The following ADCY2 variants were observed in gnomAD, a reference collection of about 807,000 sequenced individuals.
ADCY2 encodes the protein adenylate cyclase type 2.
A neutral mutation model predicts 125.2 loss-of-function variants in ADCY2; 31 were observed. The observed-to-expected ratio is 0.25, with a 90% CI of 0.19 to 0.33. The LOEUF (loss-of-function observed/expected upper bound fraction) is 0.33. Ranked by LOEUF, ADCY2 falls within the 10% of genes least tolerant of loss-of-function variation. ADCY2 has a pLI of 1.00. For synonymous variants in ADCY2, 512 were observed against 548.4 expected (o/e 0.93, Z 0.93); for missense variants, 904 against 1,418.2 (o/e 0.64, Z 5.82).
intron 2 of ADCY2, among the ~76,000 whole-genome samples, chr5:7,493,090 A>G (rs1743223166): frequency 6.6e-6 from 1 of 152,198 alleles, no homozygotes; most frequent in Non-Finnish European, 1.5e-5. Context: ...AATGGCAAAG[A>G]GATTGCAAAC....
At chr5:7,687,598 G>A (rs1740558710) in intron 4 of ADCY2, among the ~76,000 whole-genome samples, 1 of 152,190 alleles carries the variant, frequency 6.6e-6, no homozygotes. Flanking sequence ...GACTCTCTGA[G>A]CAATGTGCCG....
intron 3 of ADCY2, among the ~76,000 whole-genome samples, chr5:7,583,019 A>G (rs186167868): frequency 6.6e-6 from 1 of 152,242 alleles, no homozygotes; most frequent in Non-Finnish European, 1.5e-5. Context: ...TACAATGTCA[A>G]TGTACAAAAA....
chr5:7,582,615 G>T (rs1292520305), intron 3 of ADCY2, among the ~76,000 whole-genome samples: 1 of 152,022 alleles, frequency 6.6e-6, no homozygotes, highest in Admixed American at 6.6e-5. Context: ...CACATTCACA[G>T]AACAAAGGAG....
chr5:7,548,178 A>C (rs968422887), intron 3 of ADCY2, among the ~76,000 whole-genome samples: 18 of 152,196 alleles, frequency 1.2e-4, no homozygotes, highest in Non-Finnish European at 2.5e-4. Flanking sequence ...TGGGAAGTGC[A>C]AATATTAGCT....
At chr5:7,727,068 T>G in intron 13 of ADCY2, 96 bp from the exon 14 acceptor site, 2 of 837,476 alleles carry the variant, frequency 2.4e-6, no homozygotes, top group East Asian at 2.5e-5. Context: ...AATTTCTGAG[T>G]GTGGTGCATG....
chr5:7,398,057 A>G (rs1466791920), intron 1 of ADCY2, among the ~76,000 whole-genome samples: 1 of 152,218 alleles, frequency 6.6e-6, no homozygotes, highest in African/African-American at 2.4e-5. Flanking sequence ...CTTGCCAGGA[A>G]GAAAAGAAAC....
At chr5:7,589,536 AAGG>A (rs1057298872) in intron 3 of ADCY2, among the ~76,000 whole-genome samples, 7 of 147,528 alleles carry the variant, frequency 4.7e-5, no homozygotes, top group African/African-American at 1.0e-4. Flanking sequence ...GAAAGAAAGA[AAGG>A]AGGGAGGGAA....
At chr5:7,637,985 GA>G (rs1463449998) in intron 4 of ADCY2, among the ~76,000 whole-genome samples, 9 of 152,148 alleles carry the variant, frequency 5.9e-5, no homozygotes, top group Non-Finnish European at 1.3e-4. Context: ...AGAATTATTA[GA>G]GCTGAAATGC....
intron 4 of ADCY2, among the ~76,000 whole-genome samples, chr5:7,632,228 G>A (rs1738337407): frequency 6.6e-6 from 1 of 152,098 alleles, no homozygotes; most frequent in African/African-American, 2.4e-5. Context: ...GGTACAGTTT[G>A]GCTCAGATAT....
intron 4 of ADCY2, among the ~76,000 whole-genome samples, chr5:7,646,962 C>T (rs998957400): frequency 4.6e-5 from 7 of 152,144 alleles, no homozygotes; most frequent in Admixed American, 1.3e-4. Flanking sequence ...TGCCTGCGTT[C>T]GCTGCCCCAT....
intron 4 of ADCY2, among the ~76,000 whole-genome samples, chr5:7,652,441 A>G (rs993446606): frequency 1.3e-5 from 2 of 152,208 alleles, no homozygotes; most frequent in Admixed American, 1.3e-4. Context: ...GATCTTTTTT[A>G]AAGCGTGGCC....
chr5:7,680,146 G>A (rs1740281865), intron 4 of ADCY2, among the ~76,000 whole-genome samples: 2 of 152,192 alleles, frequency 1.3e-5, no homozygotes, highest in African/African-American at 4.8e-5. Flanking sequence ...CTCAACCAGA[G>A]GGAGACTGTT....
At chr5:7,696,563 T>C (rs1347578940) in intron 6 of ADCY2, among the ~76,000 whole-genome samples, 1 of 152,234 alleles carries the variant, frequency 6.6e-6, no homozygotes, top group Admixed American at 6.5e-5. Flanking sequence ...TCTCATTAAA[T>C]GTTTCTGGTC....
chr5:7,677,235 G>A (rs1160885215), intron 4 of ADCY2, among the ~76,000 whole-genome samples: 4 of 151,946 alleles, frequency 2.6e-5, no homozygotes, highest in African/African-American at 7.3e-5. Flanking sequence ...CCGAGATCAC[G>A]CCACTGCACT....
chr5:7,654,881 A>G (rs750775152), intron 4 of ADCY2, among the ~76,000 whole-genome samples: 4 of 152,342 alleles, frequency 2.6e-5, no homozygotes, highest in African/African-American at 7.2e-5. Context: ...TGGGACCTGG[A>G]AATCCCTGTT....
intron 2 of ADCY2, among the ~76,000 whole-genome samples, chr5:7,519,888 T>C (rs1346497072): frequency 6.6e-6 from 1 of 152,180 alleles, no homozygotes; most frequent in East Asian, 1.9e-4. Context: ...TTCTGGATAT[T>C]TGATGTAAAA....
rs537189833 is a variant in ADCY2, at chr5:7,403,271, C to T, written c.210+6765C>T. ...ATTGTAGACTAGTCCATTACTAGAA[C>T]TAATTAAAATTATTAATGTTAAAAA... is the stretch of plus-strand genomic sequence containing the variant. On this transcript the variant is annotated intron_variant, in intron 1 of 24. Coordinates refer to ENST00000338316, the MANE Select transcript of ADCY2 (RefSeq NM_020546.3). Among the ~76,000 whole-genome samples the T allele has an allele frequency of 3.3e-5, 5 of 152,046 alleles. No homozygotes were observed. In the South Asian group the frequency reaches 1.0e-3, roughly 32 times the overall value.
intron 4 of ADCY2, among the ~76,000 whole-genome samples, chr5:7,672,399 A>G (rs1359294680): frequency 2.0e-5 from 3 of 152,146 alleles, no homozygotes; most frequent in East Asian, 3.9e-4. Flanking sequence ...AACTTTCTCT[A>G]TACTGGGAGT....
chr5:7,788,530 C>T (rs1394179377), intron 19 of ADCY2, among the ~76,000 whole-genome samples: 5 of 152,154 alleles, frequency 3.3e-5, no homozygotes, highest in Non-Finnish European at 5.9e-5. Context: ...TTGAAAATGC[C>T]TTGCTATATG....
Sources: allele counts gnomAD v4.1 joint callset (sites outside exome capture counted in the v4.1 genomes callset), GRCh38; gene constraint gnomAD v4.1.1; transcripts MANE v1.5; gene names NCBI Gene and HGNC (gene_info 2026-07-23, HGNC 2026-07-21).